The following RIPOR2 variants were observed in gnomAD, a reference collection of about 807,000 sequenced individuals.
RIPOR2 encodes the protein rho family-interacting cell polarization regulator 2.
In RIPOR2, 39 loss-of-function variants were observed where a neutral mutation model predicts 114.5. That is an observed-to-expected ratio of 0.34 (90% CI 0.26 to 0.44). RIPOR2 has a LOEUF of 0.44. Among genes scored for constraint, RIPOR2 ranks in the 20% least tolerant of loss-of-function variants. RIPOR2 has a pLI of 1.00. For missense variants in RIPOR2, 1,007 were observed against 1,255.1 expected (o/e 0.80, Z 2.99); for synonymous variants, 445 against 484.4 (o/e 0.92, Z 1.07).
At position 25,023,441 on chromosome 6, in the gene RIPOR2, A is replaced by C; in HGVS notation, c.76+18410T>G. 3 of 766,198 alleles carry C rather than the reference A, an allele frequency of 3.9e-6. No individual in the cohort carries two copies. In the South Asian group the frequency reaches 4.0e-5, roughly 10 times the overall value. The allele number at this position is 766,198 out of a possible 1,614,324, so 47.5% of individuals were successfully genotyped here. On this transcript the variant is annotated intron_variant, in intron 1 of 13. Coordinates refer to the RIPOR2 transcript ENST00000510784. The stretch of plus-strand genomic sequence containing the variant: ...GTACACCCGGCCCTTGAGGACGGAC[A>C]CCTGCGCTTTCCCTCCCACTTGCCC...
At chr6:24,821,101 G>A (rs1453078111) in intron 19 of RIPOR2, among the ~76,000 whole-genome samples, 1 of 151,626 alleles carries the variant, frequency 6.6e-6, no homozygotes, top group Non-Finnish European at 1.5e-5. Context: ...TTGAACTCCT[G>A]ACCTCAGATG....
At chr6:25,007,817 A>G (rs1391023661) in intron 1 of RIPOR2, among the ~76,000 whole-genome samples, 1 of 151,598 alleles carries the variant, frequency 6.6e-6, no homozygotes, top group Non-Finnish European at 1.5e-5. Flanking sequence ...TGCTGTAGAC[A>G]TTTCTACATT....
At chr6:24,855,347 G>A (rs188590731) in intron 8 of RIPOR2, among the ~76,000 whole-genome samples, 5 of 151,578 alleles carry the variant, frequency 3.3e-5, no homozygotes, top group Admixed American at 3.3e-4. Context: ...ACTTAGCACT[G>A]GGTGGAATGA....
chr6:24,983,036 T>A (rs1340992841), intron 1 of RIPOR2, among the ~76,000 whole-genome samples: 1 of 152,182 alleles, frequency 6.6e-6, no homozygotes, highest in Non-Finnish European at 1.5e-5. Context: ...TCTTCTTTTT[T>A]CCTTTAAAAA....
intron 1 of RIPOR2, among the ~76,000 whole-genome samples, chr6:24,923,734 G>C (rs1770665847): frequency 6.6e-6 from 1 of 152,100 alleles, no homozygotes; most frequent in Non-Finnish European, 1.5e-5. Flanking sequence ...TGTAGTTCCA[G>C]CTGCTTGGGA....
At chr6:24,854,174 G>T (rs1486814353) in intron 8 of RIPOR2, among the ~76,000 whole-genome samples, 1 of 151,574 alleles carries the variant, frequency 6.6e-6, no homozygotes, top group African/African-American at 2.4e-5. Flanking sequence ...ATATGCATCA[G>T]GGAGGCAAAC....
chr6:24,806,541 T>C (rs2113611594), intron 21 of RIPOR2, 68 bp from the exon 22 acceptor site: 24 of 1,196,994 alleles, frequency 2.0e-5, no homozygotes, highest in Non-Finnish European at 2.7e-5. Flanking sequence ...CAAAGTAACA[T>C]AGTGCCATTT....
chr6:24,913,553 C>G (rs754919036), intron 1 of RIPOR2, among the ~76,000 whole-genome samples: 2 of 152,158 alleles, frequency 1.3e-5, no homozygotes, highest in Non-Finnish European at 2.9e-5. Flanking sequence ...ACAACCACGA[C>G]ACACTGTGTA....
chr6:24,822,268 A>T (rs1275126738), intron 19 of RIPOR2, among the ~76,000 whole-genome samples: 1 of 152,184 alleles, frequency 6.6e-6, no homozygotes, highest in African/African-American at 2.4e-5. Context: ...ATTTAGTTTG[A>T]TTATGTTGGT....
chr6:24,865,489 G>A (rs1008130688), intron 6 of RIPOR2, 39 bp from the exon 7 acceptor site: 2 of 1,548,170 alleles, frequency 1.3e-6, no homozygotes, highest in African/African-American at 2.7e-5. Flanking sequence ...TAAATGTCAG[G>A]CTTGAAAGAA....
At chr6:24,938,150 T>A (rs1776286809), upstream of RIPOR2, among the ~76,000 whole-genome samples, 1 of 152,150 alleles carries the variant, frequency 6.6e-6, no homozygotes, top group Admixed American at 6.5e-5. Flanking sequence ...TGAACTTATA[T>A]CATATTGGAG....
intron 1 of RIPOR2, among the ~76,000 whole-genome samples, chr6:25,021,553 T>C (rs1776316163): frequency 6.6e-6 from 1 of 152,134 alleles, no homozygotes; most frequent in South Asian, 2.1e-4. Context: ...AAACCAAACA[T>C]TGTATGTTCT....
intron 11 of RIPOR2, 140 bp from the exon 12 acceptor site, chr6:24,848,294 C>A: frequency 1.2e-6 from 1 of 842,378 alleles, no homozygotes; most frequent in Non-Finnish European, 1.8e-6. Context: ...AGCTAAACTG[C>A]TTTGCAGAAA....
In RIPOR2 at chr6:24,865,375, C is replaced by A. The variant is rs779460974; in HGVS notation, c.577G>T (p.Ala193Ser). 1.9e-6 allele frequency: 3 copies of A among 1,613,258 alleles called. No homozygotes were observed. Among genetic ancestry groups the A allele is most frequent in the African/African-American group, 1.3e-5 (1 of 74,862 alleles). The change falls in exon 7 of 22, where the codon GCA (alanine) becomes TCA (serine). Residue 193 changes from alanine to serine, a missense_variant. Transcript: ENST00000643898. ...DGASKMKQAFATSPASKAARE... is the reference protein window; with the variant it reads ...DGASKMKQAFSTSPASKAARE... ...GCAGCTTTGCTGGCAGGGGATGTTG[C>A]GAAGGCTTGCTTCATTTTGCTGGCA... is the stretch of plus-strand genomic sequence containing the variant.
chr6:24,999,916 C>T (rs1246977380), intron 1 of RIPOR2, among the ~76,000 whole-genome samples: 1 of 152,274 alleles, frequency 6.6e-6, no homozygotes, highest in African/African-American at 2.4e-5. Context: ...CAGCTGGAGT[C>T]GAGGTCTCAA....
At chr6:24,808,516 G>A (rs756321201) in intron 21 of RIPOR2, among the ~76,000 whole-genome samples, 16 of 152,148 alleles carry the variant, frequency 1.1e-4, no homozygotes, top group Non-Finnish European at 1.8e-4. Flanking sequence ...ATAGCAGAAT[G>A]AAGCCTTGTT....
At chr6:24,910,234 C>T (rs914723928) in intron 1 of RIPOR2, among the ~76,000 whole-genome samples, 1 of 152,244 alleles carries the variant, frequency 6.6e-6, no homozygotes, top group Admixed American at 6.5e-5. Context: ...CCTTTCTTGC[C>T]CCTCTTCCCA....
At chr6:25,039,431 A>G (rs1777379693) in intron 1 of RIPOR2, among the ~76,000 whole-genome samples, 1 of 152,230 alleles carries the variant, frequency 6.6e-6, no homozygotes, top group Non-Finnish European at 1.5e-5. Flanking sequence ...CCATCCTGGA[A>G]GAATATCAGA....
At chr6:24,823,820 A>T (rs1759910731) in intron 19 of RIPOR2, among the ~76,000 whole-genome samples, 1 of 152,198 alleles carries the variant, frequency 6.6e-6, no homozygotes, top group East Asian at 1.9e-4. Flanking sequence ...CCAGTGGCGC[A>T]ATCTCGGCTC....
Sources: gnomAD v4.1 joint callset for allele counts (sites outside exome capture counted in the v4.1 genomes callset) on GRCh38, gnomAD v4.1.1 for gene constraint, MANE v1.5 for transcripts, NCBI Gene and HGNC (gene_info 2026-07-23, HGNC 2026-07-21) for gene names.